Variants in XPR1 observed in about 807,000 individuals in gnomAD.
XPR1 encodes xenotropic and polytropic retrovirus receptor 1, also known as solute carrier family 53 member 1.
XPR1 carries 28 observed loss-of-function variants against 87.5 expected under a neutral mutation model. That is an observed-to-expected ratio of 0.32 (90% CI 0.24 to 0.44). The LOEUF (loss-of-function observed/expected upper bound fraction) is 0.44, where lower values mean the gene tolerates loss of function less well. Among genes scored for constraint, XPR1 ranks in the 20% least tolerant of loss-of-function variants. XPR1 has a pLI of 1.00. For missense variants in XPR1, 559 were observed against 862.3 expected (o/e 0.65, Z 4.41); for synonymous variants, 300 against 306.1 (o/e 0.98, Z 0.21).
At chr1:180,685,980 A>G (rs539511378) in intron 2 of XPR1, among the ~76,000 whole-genome samples, 21 of 151,450 alleles carry the variant, frequency 1.4e-4, no homozygotes, top group African/African-American at 4.6e-4. Context: ...TTTTGTCTCT[A>G]TTTCCTTCAG....
chr1:180,856,369 G>A (rs569227162), intron 11 of XPR1, among the ~76,000 whole-genome samples: 1 of 151,672 alleles, frequency 6.6e-6, no homozygotes, highest in Admixed American at 6.6e-5. Flanking sequence ...TCCCCTTATA[G>A]ATGGAAGACT....
chr1:180,809,625 C>A (rs762098598), intron 6 of XPR1, among the ~76,000 whole-genome samples: 3 of 151,982 alleles, frequency 2.0e-5, no homozygotes, highest in Non-Finnish European at 2.9e-5. Context: ...TTAAGAATGC[C>A]TGTAGAGATG....
chr1:180,872,652 G>A (rs1652538886), intron 12 of XPR1, among the ~76,000 whole-genome samples: 1 of 132,690 alleles, frequency 7.5e-6, no homozygotes, highest in African/African-American at 2.9e-5. Flanking sequence ...CCCAGGTGAG[G>A]CAATGCCTCG....
chr1:180,756,618 T>C (rs1021028275), intron 2 of XPR1, among the ~76,000 whole-genome samples: 22 of 151,832 alleles, frequency 1.4e-4, no homozygotes, highest in Admixed American at 1.2e-3. Context: ...ACAAAAGTTA[T>C]AAATTTTGAT....
At chr1:180,771,347 T>C (rs1470624074) in intron 2 of XPR1, among the ~76,000 whole-genome samples, 1 of 152,176 alleles carries the variant, frequency 6.6e-6, no homozygotes, top group African/African-American at 2.4e-5. Context: ...TATGAAATAA[T>C]TTTAAACTTA....
chr1:180,632,143 T>G lies in XPR1; in HGVS notation c.-59T>G. 1.3e-6 allele frequency: 2 copies of G among 1,561,594 alleles called. No homozygotes were observed. Among genetic ancestry groups the G allele is most frequent in the Non-Finnish European group, 1.7e-6 (2 of 1,151,490 alleles). On this transcript the variant is annotated 5_prime_UTR_variant, in exon 1 of 15. Transcript: ENST00000367590. ...CCATGTGGGGAGGAGTCGGAGTCGC[T>G]GTTGCCGCCGCCGCCTGTAGCTGCT...
intron 7 of XPR1, among the ~76,000 whole-genome samples, chr1:180,823,534 C>A (rs534037564): frequency 4.6e-5 from 7 of 152,212 alleles, no homozygotes; most frequent in South Asian, 2.1e-4. Flanking sequence ...TAATAAAATT[C>A]ATCACGAGTC....
intron 1 of XPR1, among the ~76,000 whole-genome samples, chr1:180,667,976 T>C (rs574126071): frequency 1.3e-5 from 2 of 152,258 alleles, no homozygotes; most frequent in South Asian, 4.1e-4. Flanking sequence ...CTTCTCTCTT[T>C]TATTTCTCAG....
intron 2 of XPR1, among the ~76,000 whole-genome samples, chr1:180,767,510 G>A (rs1194631838): frequency 1.3e-5 from 2 of 151,770 alleles, no homozygotes; most frequent in African/African-American, 2.4e-5. Context: ...CTATAGCATG[G>A]GTAAAATAGT....
At chr1:180,760,669 C>T (rs895458604) in intron 2 of XPR1, among the ~76,000 whole-genome samples, 10 of 152,212 alleles carry the variant, frequency 6.6e-5, no homozygotes, top group South Asian at 2.1e-4. Context: ...GAATCAATAT[C>T]GTGAAAATGG....
At chr1:180,849,212 A>G (rs542701242) in intron 11 of XPR1, among the ~76,000 whole-genome samples, 1 of 152,200 alleles carries the variant, frequency 6.6e-6, no homozygotes, top group Non-Finnish European at 1.5e-5. Context: ...GTTGGCAGAC[A>G]TTATGTCATT....
chr1:180,848,297 A>G (rs1312656989), intron 11 of XPR1, among the ~76,000 whole-genome samples: 2 of 152,064 alleles, frequency 1.3e-5, no homozygotes, highest in African/African-American at 2.4e-5. Flanking sequence ...CCTTTAACAA[A>G]TCTCTCCCTA....
At chr1:180,855,118 T>C (rs926994586) in intron 11 of XPR1, among the ~76,000 whole-genome samples, 9 of 152,148 alleles carry the variant, frequency 5.9e-5, no homozygotes, top group Non-Finnish European at 1.0e-4. Flanking sequence ...TACAATTTAA[T>C]GGAAAAGACA....
chr1:180,803,318 T>C (rs995156575), intron 3 of XPR1, 70 bp from the exon 4 acceptor site: 5 of 1,410,504 alleles, frequency 3.5e-6, no homozygotes, highest in Admixed American at 2.2e-5. Context: ...ATGGGAATTA[T>C]TAAAAATTCA....
At chr1:180,670,889 G>GT (rs1004056148) in intron 1 of XPR1, among the ~76,000 whole-genome samples, 3 of 152,192 alleles carry the variant, frequency 2.0e-5, no homozygotes, top group Admixed American at 2.0e-4. Flanking sequence ...TTGGTTGATA[G>GT]TTTTTCTCTT....
chr1:180,709,976 G>C (rs923937109), intron 2 of XPR1, among the ~76,000 whole-genome samples: 2 of 151,316 alleles, frequency 1.3e-5, no homozygotes, highest in African/African-American at 4.9e-5. Context: ...CGTGATCTCA[G>C]CTCACTGCAA....
intron 2 of XPR1, among the ~76,000 whole-genome samples, chr1:180,710,619 A>G (rs1050835631): frequency 6.6e-6 from 1 of 152,214 alleles, no homozygotes; most frequent in East Asian, 1.9e-4. Context: ...AGACACAGCA[A>G]CAATCTGATT....
intron 7 of XPR1, among the ~76,000 whole-genome samples, chr1:180,823,166 G>A (rs1209472451): frequency 6.6e-6 from 1 of 151,870 alleles, no homozygotes; most frequent in Non-Finnish European, 1.5e-5. Flanking sequence ...GCTTGAACGC[G>A]GGAGGCAGAG....
chr1:180,836,594 T>G lies in XPR1; in HGVS notation c.1379T>G (p.Phe460Cys). ...IVQCIPAWLR[F>C]IQCLRRYRDT... ...CAGTGCATTCCTGCTTGGCTTCGCT[T>G]CATCCAGTGCCTGCGCCGATATCGA... The change falls in exon 11 of 15, where the codon TTC becomes TGC. Residue 460 changes from phenylalanine to cysteine, a missense_variant. Around this residue, in one of 7 missense-constraint regions of XPR1, gnomAD observed 264 missense variants for 377.2 expected, o/e 0.70. Coordinates refer to ENST00000367590, the MANE Select transcript of XPR1 (RefSeq NM_004736.4). 6.2e-7 allele frequency: 1 copy of G among 1,614,224 alleles called. No homozygotes were observed. Among genetic ancestry groups the G allele is most frequent in the Non-Finnish European group, 8.5e-7 (1 of 1,180,042 alleles).
Sources: allele counts gnomAD v4.1 joint callset (sites outside exome capture counted in the v4.1 genomes callset), GRCh38; gene constraint gnomAD v4.1.1; regional missense constraint gnomAD v4.1.1; transcripts MANE v1.5; gene names NCBI Gene and HGNC (gene_info 2026-07-23, HGNC 2026-07-21).